The following KCNQ2 variants were observed in gnomAD, a reference collection of about 807,000 sequenced individuals.
KCNQ2 encodes the protein potassium voltage-gated channel subfamily Q member 2.
KCNQ2 carries 14 observed loss-of-function variants against 84.8 expected under a neutral mutation model. The ratio of observed to expected loss-of-function variants is 0.17; its 90% CI spans 0.11 to 0.26. KCNQ2 has a LOEUF of 0.26. Ranked by LOEUF, KCNQ2 falls within the 10% of genes least tolerant of loss-of-function variation. The probability of loss-of-function intolerance (pLI) is 1.00; values close to 1 mark genes in which losing one functional copy is unlikely to be tolerated. For synonymous variants in KCNQ2, 599 were observed against 554.1 expected (o/e 1.08, Z -1.14); for missense variants, 788 against 1,254.0 (o/e 0.63, Z 5.61).
chr20:63,407,365 A>G lies in KCNQ2; in HGVS notation c.1898T>C (p.Met633Thr), dbSNP rs777332271. Residue 633 changes from methionine to threonine, a missense_variant, in exon 17 of 17, where the codon ATG becomes ACG. This residue lies in a region of KCNQ2 where 378 missense variants were observed against 434.5 expected (regional missense o/e 0.87). Transcript: ENST00000359125. This position sits in a 1 kb window ranked among gnomAD's most constrained non-coding sequence, Gnocchi z 7.2. ...CACCAGGAAGTCCAGCTTCTTCTCC[A>G]TGGACAAGACCTGCAAAAGGGGCTG... ...LGKVEKQVLS[M>T]EKKLDFLVNI... 6 of 1,597,624 alleles carry G rather than the reference A, an allele frequency of 3.8e-6. No individual in the cohort carries two copies. The East Asian group carries it at 6.7e-5, about 18-fold the overall frequency.
At chr20:63,434,066 A>G in intron 7 of KCNQ2, 163 bp from the exon 8 acceptor site, 1 of 616,812 alleles carries the variant, frequency 1.6e-6, no homozygotes, top group Non-Finnish European at 2.9e-6. Flanking sequence ...CATCAGCCCC[A>G]CAGCCTCAGT....
At chr20:63,418,905 A>G (rs1601588430) in intron 12 of KCNQ2, among the ~76,000 whole-genome samples, 1 of 152,320 alleles carries the variant, frequency 6.6e-6, no homozygotes, top group East Asian at 1.9e-4. Flanking sequence ...GGCGGCATGC[A>G]CATGCCAAGG....
At chr20:63,413,680 A>T in intron 14 of KCNQ2, 99 bp from the exon 15 acceptor site, 7 of 1,398,038 alleles carry the variant, frequency 5.0e-6, no homozygotes, top group Non-Finnish European at 6.1e-6. Context: ...GCGCCTGGAG[A>T]TGGCTGGACT....
intron 1 of KCNQ2, among the ~76,000 whole-genome samples, chr20:63,451,113 A>G (rs1300376215): frequency 2.7e-4 from 40 of 149,958 alleles, no homozygotes; most frequent in African/African-American, 9.3e-4. Context: ...ACTCCAGCCT[A>G]GGCAATAGAG....
rs185273570 is a variant in KCNQ2 at position 63,456,282 on chromosome 20, C to T, written c.297-9445G>A. On this transcript the variant is annotated intron_variant, in intron 1 of 16. Coordinates refer to ENST00000359125, the MANE Select transcript of KCNQ2 (RefSeq NM_172107.4). ...TTCTGGGAAAGCATGACACAGACGC[C>T]GCCACCCCGCTCCTCACTCGCTTCA... Among the ~76,000 whole-genome samples the T allele has an allele frequency of 3.0e-4, 45 of 152,266 alleles. No individual in the cohort carries two copies. In the East Asian group the frequency reaches 7.5e-3, roughly 26 times the overall value.
intron 1 of KCNQ2, among the ~76,000 whole-genome samples, chr20:63,466,053 G>A (rs1331186251): frequency 1.3e-5 from 2 of 152,168 alleles, no homozygotes; most frequent in African/African-American, 2.4e-5. Flanking sequence ...CCTGCCCACA[G>A]TGGTTTCTCA....
At position 63,406,344 on chromosome 20, in the gene KCNQ2, A is replaced by C; in HGVS notation, c.*300T>G. 2.6e-6 allele frequency: 1 copy of C among 386,514 alleles called. No individual in the cohort carries two copies. The highest frequency in any genetic ancestry group is 4.7e-6 in the Non-Finnish European group (1 of 211,478). The allele number at this position is 386,514 out of a possible 1,614,324, so 23.9% of individuals were successfully genotyped here. On this transcript the variant is annotated 3_prime_UTR_variant, in exon 17 of 17. Coordinates refer to ENST00000359125, the MANE Select transcript of KCNQ2 (RefSeq NM_172107.4). ...CCCGTCATCACTCCCGCCCCTCCTCACACCGGGCTGATGTCGGCCGCGGCC... is the reference window on the plus strand; with the variant it reads ...CCCGTCATCACTCCCGCCCCTCCTCCCACCGGGCTGATGTCGGCCGCGGCC...
At chr20:63,443,265 TCATCAC>T (rs2081292537) in intron 4 of KCNQ2, among the ~76,000 whole-genome samples, 1 of 7,368 alleles carries the variant, frequency 1.4e-4, no homozygotes, top group African/African-American at 4.8e-4. Context: ...ATCGCCACCA[TCATCAC>T]CACCATCACC....
rs577094863 is a variant in KCNQ2 at position 63,400,695 on chromosome 20, C to T, written c.*5949G>A. On this transcript the variant is annotated 3_prime_UTR_variant, in exon 17 of 17. Coordinates refer to ENST00000359125, the MANE Select transcript of KCNQ2 (RefSeq NM_172107.4). The surrounding 1 kb of genome is among the most constrained non-coding windows in gnomAD (Gnocchi z 8.7). ...GCCAGAGGATGGCAGACTGCAATGGCGTGGGGCGCGGGCATGGCGGGCACA... is the reference window on the plus strand; with the variant it reads ...GCCAGAGGATGGCAGACTGCAATGGTGTGGGGCGCGGGCATGGCGGGCACA... 199 of 398,640 alleles carry T rather than the reference C, an allele frequency of 5.0e-4. 1 individual carries two copies. In the South Asian group the frequency reaches 8.9e-3, roughly 18 times the overall value. The allele number at this position is 398,640 out of a possible 1,614,324, so 24.7% of individuals were successfully genotyped here.
chr20:63,439,372 C>G (rs1309054022), intron 6 of KCNQ2, among the ~76,000 whole-genome samples: 1 of 152,208 alleles, frequency 6.6e-6, no homozygotes, highest in Non-Finnish European at 1.5e-5. Flanking sequence ...ACAGCCGCAG[C>G]CTTGGGCATG....
At chr20:63,409,719 C>T (rs551354477) in intron 15 of KCNQ2, among the ~76,000 whole-genome samples, 1 of 152,266 alleles carries the variant, frequency 6.6e-6, no homozygotes, top group East Asian at 1.9e-4. Context: ...CTTCCTGCCA[C>T]TGGGCTGCCC....
In KCNQ2 at chr20:63,407,587, G is replaced by A. The variant is rs1175881592; in HGVS notation, c.1888-212C>T. 1.3e-5 allele frequency among the ~76,000 whole-genome samples: 2 copies of A among 151,570 alleles called. No individual in the cohort carries two copies. Among genetic ancestry groups the A allele is most frequent in the African/African-American group, 2.4e-5 (1 of 41,220 alleles). On this transcript the variant is annotated intron_variant, in intron 16 of 16. Coordinates refer to ENST00000359125, the MANE Select transcript of KCNQ2 (RefSeq NM_172107.4). This position sits in a 1 kb window ranked among gnomAD's most constrained non-coding sequence, Gnocchi z 7.2. ...AATGGGGGGGCCCAGGCTGGTTCCA[G>A]GAAACAGGAGAGACCCAGGCTAGTC...
At chr20:63,457,005 AG>A in intron 1 of KCNQ2, among the ~76,000 whole-genome samples, 1 of 152,326 alleles carries the variant, frequency 6.6e-6, no homozygotes. Context: ...TCCATTAGGC[AG>A]CCGCCACGCT....
intron 1 of KCNQ2, chr20:63,459,977 T>C (rs2081906303): frequency 6.6e-6 from 1 of 152,184 alleles, no homozygotes. Flanking sequence ...GGCTGGAATG[T>C]GGACAGGTGC....
At chr20:63,450,188 C>T (rs1469147370) in intron 1 of KCNQ2, among the ~76,000 whole-genome samples, 3 of 151,152 alleles carry the variant, frequency 2.0e-5, no homozygotes, top group African/African-American at 7.3e-5. Flanking sequence ...CCCTCCCTCA[C>T]CCAAAGGGAC....
At chr20:63,419,837 C>T (rs979956945) in intron 11 of KCNQ2, among the ~76,000 whole-genome samples, 165 bp from the exon 12 acceptor site, 2 of 152,152 alleles carry the variant, frequency 1.3e-5, no homozygotes, top group Non-Finnish European at 2.9e-5. Context: ...TCGTCTCCAC[C>T]GTCCGGAGAA....
chr20:63,406,318 C>T lies in KCNQ2; in HGVS notation c.*326G>A, dbSNP rs988943494. Reference sequence around the variant, plus strand: ...CCCGCCTGTTGCCACGCTGGCAACACCCCGTCATCACTCCCGCCCCTCCTC... The same window carrying T: ...CCCGCCTGTTGCCACGCTGGCAACATCCCGTCATCACTCCCGCCCCTCCTC... On this transcript the variant is annotated 3_prime_UTR_variant, in exon 17 of 17. Transcript: ENST00000359125. 3 of 324,896 alleles carry T rather than the reference C, an allele frequency of 9.2e-6. No homozygotes were observed. The highest frequency in any genetic ancestry group is 1.7e-5 in the Non-Finnish European group (3 of 174,172). The allele number at this position is 324,896 out of a possible 1,614,324, so 20.1% of individuals were successfully genotyped here.
intron 7 of KCNQ2, 72 bp from the exon 8 acceptor site, chr20:63,433,975 G>A (rs1457284634): frequency 7.2e-7 from 1 of 1,379,980 alleles, no homozygotes; most frequent in Non-Finnish European, 1.0e-6. Context: ...GCCGGGCGTG[G>A]AGGGAACGGG....
chr20:63,464,307 G>A (rs1026691413), intron 1 of KCNQ2, among the ~76,000 whole-genome samples: 2 of 151,978 alleles, frequency 1.3e-5, no homozygotes, highest in African/African-American at 4.8e-5. Context: ...CACTCAAGCC[G>A]ATGTCTCCTG....
Sources: gnomAD v4.1 joint callset for allele counts (sites outside exome capture counted in the v4.1 genomes callset) on GRCh38, gnomAD v4.1.1 for gene constraint, gnomAD v4.1.1 regional missense constraint, Gnocchi (gnomAD v3.1) non-coding constraint, MANE v1.5 for transcripts, NCBI Gene and HGNC (gene_info 2026-07-23, HGNC 2026-07-21) for gene names.